Variants in HECW1 observed in about 807,000 individuals in gnomAD.
HECW1 encodes the protein E3 ubiquitin-protein ligase HECW1.
A neutral mutation model predicts 182.3 loss-of-function variants in HECW1; 61 were observed. That is an observed-to-expected ratio of 0.33 (90% CI 0.27 to 0.41). The LOEUF is 0.41. Among genes scored for constraint, HECW1 ranks in the 10% least tolerant of loss-of-function variants. The probability of loss-of-function intolerance (pLI) is 1.00; values close to 1 mark genes in which losing one functional copy is unlikely to be tolerated. For synonymous variants in HECW1, 859 were observed against 832.6 expected, an observed-to-expected ratio of 1.03 and a Z score of -0.55; for missense variants, 1,739 against 2,108.9, an observed-to-expected ratio of 0.82 and a Z score of 3.44.
chr7:43,514,274 T>C (rs1347699253), intron 24 of HECW1, among the ~76,000 whole-genome samples: 1 of 151,898 alleles, frequency 6.6e-6, no homozygotes, highest in Non-Finnish European at 1.5e-5. Flanking sequence ...TGGAATACTA[T>C]TCCAAATTTC....
At chr7:43,483,986 A>G (rs2078535320) in intron 17 of HECW1, among the ~76,000 whole-genome samples, 1 of 152,174 alleles carries the variant, frequency 6.6e-6, no homozygotes, top group African/African-American at 2.4e-5. Flanking sequence ...GAGGTGACAA[A>G]GAGAAAACAA....
chr7:43,172,900 C>T (rs1211841411), intron 2 of HECW1, among the ~76,000 whole-genome samples: 1 of 152,222 alleles, frequency 6.6e-6, no homozygotes, highest in Non-Finnish European at 1.5e-5. Context: ...CAGAAAAACA[C>T]ATACAGCTAG....
intron 2 of HECW1, among the ~76,000 whole-genome samples, chr7:43,235,690 T>A (rs952710284): frequency 6.6e-6 from 1 of 152,170 alleles, no homozygotes; most frequent in Admixed American, 6.5e-5. Flanking sequence ...ACTAACAAGA[T>A]ACGTGAATCT....
intron 2 of HECW1, chr7:43,147,316 C>T (rs1788827379): frequency 6.6e-6 from 1 of 152,054 alleles, no homozygotes; most frequent in South Asian, 2.1e-4. Flanking sequence ...AGCTTTACAC[C>T]ATTTCATCCA....
intron 12 of HECW1, among the ~76,000 whole-genome samples, chr7:43,451,350 T>C (rs2077229524): frequency 6.6e-6 from 1 of 152,216 alleles, no homozygotes. Context: ...TTAAAACAAC[T>C]TCAACCCATC....
intron 17 of HECW1, among the ~76,000 whole-genome samples, chr7:43,481,521 C>T (rs2078433316): frequency 6.6e-6 from 1 of 152,168 alleles, no homozygotes; most frequent in South Asian, 2.1e-4. Flanking sequence ...TATTTAAAAC[C>T]TTTCTAACTG....
At chr7:43,336,144 T>TTCTCTCTCTCTCTCTCTCTCTCTC (rs768468130) in intron 5 of HECW1, among the ~76,000 whole-genome samples, 61 of 51,968 alleles carry the variant, frequency 1.2e-3, no homozygotes, top group Non-Finnish European at 1.7e-3. Context: ...CTCTCTCTCT[T>TTCTCTCTCTCTCTCTCTCTCTCTC]TCTCTCTCTC....
At position 43,206,523 on chromosome 7, in the gene HECW1, C is replaced by T. The variant is rs952358883; in HGVS notation, c.-31-37352C>T. 5.3e-5 allele frequency among the ~76,000 whole-genome samples: 8 copies of T among 151,620 alleles called. No homozygotes were observed. The South Asian group carries it at 1.7e-3, about 31-fold the overall frequency. On this transcript the variant is annotated intron_variant, in intron 2 of 29. Coordinates refer to ENST00000395891, the MANE Select transcript of HECW1 (RefSeq NM_015052.5). ...GGAAGTAATGTGTTCTACTTCAATT[C>T]TTTAGTGGTTAACTTTCATTTTTTA...
chr7:43,437,978 G>A, intron 8 of HECW1, 25 bp from the exon 9 acceptor site: 1 of 1,612,498 alleles, frequency 6.2e-7, no homozygotes, highest in Non-Finnish European at 8.5e-7. Flanking sequence ...TCAGTTAATT[G>A]ATGTGACATA....
chr7:43,360,160 C>T (rs575820245), intron 5 of HECW1, among the ~76,000 whole-genome samples: 6 of 151,662 alleles, frequency 4.0e-5, no homozygotes, highest in Non-Finnish European at 8.8e-5. Flanking sequence ...GAAATTCAAA[C>T]CCAGTGTGAT....
intron 8 of HECW1, among the ~76,000 whole-genome samples, chr7:43,409,271 A>G (rs2075719060): frequency 6.6e-6 from 1 of 152,244 alleles, no homozygotes; most frequent in Non-Finnish European, 1.5e-5. Flanking sequence ...TAGCACCGCT[A>G]GAATGGAATA....
chr7:43,489,955 A>T (rs1388057575), intron 17 of HECW1, among the ~76,000 whole-genome samples: 3 of 152,196 alleles, frequency 2.0e-5, no homozygotes, highest in Admixed American at 2.0e-4. Flanking sequence ...AGTGAGTTTT[A>T]TGCTGGTCTC....
chr7:43,422,629 A>G (rs532093239), intron 8 of HECW1, among the ~76,000 whole-genome samples: 12 of 152,160 alleles, frequency 7.9e-5, no homozygotes, highest in African/African-American at 2.6e-4. Flanking sequence ...TCAGCCTCCC[A>G]AAGTGCTGGG....
Position 43,445,331 on chromosome 7 carries a change from C to T in HECW1, c.2159C>T (p.Ser720Phe), listed in dbSNP as rs765849775. 1.2e-6 allele frequency: 2 copies of T among 1,613,812 alleles called. No homozygotes were observed. The highest frequency in any genetic ancestry group is 3.3e-5 in the Admixed American group (2 of 60,034). Reference sequence around the variant, plus strand: ...AGGTTCGCCAGCCACACGCGCTTCTCCTCCGTGGACAGCGCCAAGATCTCC... The same window carrying T: ...AGGTTCGCCAGCCACACGCGCTTCTTCTCCGTGGACAGCGCCAAGATCTCC... ...GNRFASHTRF[S>F]SVDSAKISES... is the part of the protein sequence containing the mutation. Residue 720 changes from serine (S) to phenylalanine (F), a missense_variant, in exon 11 of 30, where the codon TCC (serine) becomes TTC (phenylalanine). Physicochemically the swap from Ser to Phe is radical, Grantham distance 155 (BLOSUM62 -2). Coordinates refer to ENST00000395891, the MANE Select transcript of HECW1 (RefSeq NM_015052.5).
At chr7:43,224,341 T>C (rs1797239643) in intron 2 of HECW1, among the ~76,000 whole-genome samples, 2 of 152,204 alleles carry the variant, frequency 1.3e-5, no homozygotes, top group African/African-American at 4.8e-5. Context: ...GAGGCACTGA[T>C]GTACAAACAA....
At chr7:43,298,887 C>A (rs1806369163) in intron 3 of HECW1, among the ~76,000 whole-genome samples, 1 of 152,182 alleles carries the variant, frequency 6.6e-6, no homozygotes. Context: ...CGAGACCGCA[C>A]TTTAATCTCT....
intron 16 of HECW1, 45 bp downstream of exon 16, chr7:43,469,150 C>T (rs534512407): frequency 1.3e-6 from 2 of 1,583,684 alleles, no homozygotes; most frequent in African/African-American, 1.3e-5. Flanking sequence ...CAGGCTCCTT[C>T]CCCAGGGTGA....
intron 11 of HECW1, among the ~76,000 whole-genome samples, chr7:43,446,046 T>C (rs2077044072): frequency 6.6e-6 from 1 of 152,272 alleles, no homozygotes. Context: ...ATTTTACCTC[T>C]GTTTTAGAAT....
chr7:43,547,372 C>G (rs867577352), intron 26 of HECW1, among the ~76,000 whole-genome samples: 1 of 151,984 alleles, frequency 6.6e-6, no homozygotes, highest in South Asian at 2.1e-4. Flanking sequence ...CATAGTGAAA[C>G]CCCATCTCTA....
Sources: allele counts gnomAD v4.1 joint callset (sites outside exome capture counted in the v4.1 genomes callset), GRCh38; gene constraint gnomAD v4.1.1; transcripts MANE v1.5; gene names NCBI Gene and HGNC (gene_info 2026-07-23, HGNC 2026-07-21).